NPHS1: variants seen among roughly 807,000 people sequenced by gnomAD.
NPHS1 encodes the protein NPHS1 adhesion molecule, nephrin.
NPHS1 carries 107 observed loss-of-function variants against 139.7 expected under a neutral mutation model. That is an observed-to-expected ratio of 0.77 (90% CI 0.66 to 0.90). The LOEUF (loss-of-function observed/expected upper bound fraction) is 0.90. NPHS1 is among the 40% of genes least tolerant of loss of function. The pLI is 0.00. For missense variants in NPHS1, 1,580 were observed against 1,654.2 expected (o/e 0.96, Z 0.78); for synonymous variants, 707 against 706.6 (o/e 1.00, Z -0.01).
chr19:35,844,291 G>A (rs898018204), intron 15 of NPHS1, 28 bp downstream of exon 15: 1 of 1,613,916 alleles, frequency 6.2e-7, no homozygotes, highest in Non-Finnish European at 8.5e-7. Flanking sequence ...CCATCCCCGG[G>A]ACCCCTCCCC....
In NPHS1 at chr19:35,845,036, C is replaced by T. The variant is rs1210164675; in HGVS notation, c.1930+332G>A. The stretch of plus-strand genomic sequence containing the variant: ...TAATCCCAGCACTTTGAGAGGCCAA[C>T]GCAGGAGAACTGCTTGAGCCCAGGG... On this transcript the variant is annotated intron_variant, in intron 14 of 28. Coordinates refer to ENST00000378910, the MANE Select transcript of NPHS1 (RefSeq NM_004646.4). The surrounding 1 kb of genome is among the most constrained non-coding windows in gnomAD (Gnocchi z 5.5). Among the ~76,000 whole-genome samples, 2 of 152,078 alleles carry T rather than the reference C, an allele frequency of 1.3e-5. No homozygotes were observed. Among genetic ancestry groups the T allele is most frequent in the African/African-American group, 4.8e-5 (2 of 41,400 alleles).
intron 4 of NPHS1, among the ~76,000 whole-genome samples, 187 bp from the exon 5 acceptor site, chr19:35,850,632 G>T (rs1038046221): frequency 6.6e-6 from 1 of 152,174 alleles, no homozygotes; most frequent in African/African-American, 2.4e-5. Context: ...AGTCTTCAGT[G>T]CTGGGTCCTG....
At chr19:35,850,281 C>T (rs1973217849) in intron 5 of NPHS1, 83 bp downstream of exon 5, 11 of 1,097,764 alleles carry the variant, frequency 1.0e-5, no homozygotes, top group Non-Finnish European at 1.5e-5. Flanking sequence ...CTAGCCCAAG[C>T]TTCATGCTTG....
chr19:35,831,860 C>G (rs558534966), intron 23 of NPHS1, 98 bp from the exon 24 acceptor site: 1 of 1,321,594 alleles, frequency 7.6e-7, no homozygotes, highest in East Asian at 2.5e-5. Context: ...AAGTCCCTCC[C>G]CCAGGGTCAG....
Position 35,826,511 on chromosome 19 carries a change from C to A in NPHS1, c.*3G>T. On this transcript the variant is annotated 3_prime_UTR_variant, in exon 29 of 29. Transcript: ENST00000378910. ...GTGCAGGACAATGGGGTTGAGAGGG[C>A]TCTTACACCAGATGTCCCCTCAGCT... 1 of 1,613,482 alleles carries A rather than the reference C, an allele frequency of 6.2e-7. No homozygotes were observed. Among genetic ancestry groups the A allele is most frequent in the Non-Finnish European group, 8.5e-7 (1 of 1,179,976 alleles).
At chr19:35,835,375 C>T (rs1315594613) in intron 23 of NPHS1, among the ~76,000 whole-genome samples, 3 of 136,836 alleles carry the variant, frequency 2.2e-5, no homozygotes, top group African/African-American at 8.1e-5. Context: ...TCATAGCTCA[C>T]TGCATCCTCC....
rs771078444 is a variant in NPHS1 at position 35,842,417 on chromosome 19, G to A, written c.2468C>T (p.Ala823Val). ...ACGGAGCAGCCGTCGTGCTGGAGGC[G>A]CCACCCCATTGTCCACAATGCACTG... ...AYQCIVDNGVAPPARRLLRLV... is the reference protein window; with the variant it reads ...AYQCIVDNGVVPPARRLLRLV... Residue 823 changes from alanine to valine, a missense_variant, in exon 18 of 29, where the codon GCG becomes GTG. Transcript: ENST00000378910. 1.7e-5 allele frequency: 27 copies of A among 1,614,000 alleles called. 1 individual carries two copies. The highest frequency in any genetic ancestry group is 4.4e-5 in the South Asian group (4 of 91,086).
At chr19:35,843,414 A>T in intron 17 of NPHS1, 58 bp downstream of exon 17, 1 of 1,606,280 alleles carries the variant, frequency 6.2e-7, no homozygotes, top group Non-Finnish European at 8.5e-7. Context: ...AGGAACTCAC[A>T]GTCAAGAAAC....
chr19:35,839,851 G>A (rs1973028514), intron 20 of NPHS1, among the ~76,000 whole-genome samples: 1 of 151,980 alleles, frequency 6.6e-6, no homozygotes. Flanking sequence ...ACCAGCCTGG[G>A]CAACATAGCA....
Position 35,826,462 on chromosome 19 carries a change from C to T in NPHS1, c.*52G>A. The T allele has an allele frequency of 1.2e-6, 2 of 1,608,600 alleles. No individual in the cohort carries two copies. The highest frequency in any genetic ancestry group is 1.7e-5 in the Admixed American group (1 of 59,962). ...TCGGCCCAGGCTGTAATGAGAGAGA[C>T]CAGTGGAGTGTAAATTCCTGCAGGT... is the stretch of plus-strand genomic sequence containing the variant. On this transcript the variant is annotated 3_prime_UTR_variant, in exon 29 of 29. Coordinates refer to ENST00000378910, the MANE Select transcript of NPHS1 (RefSeq NM_004646.4).
At chr19:35,835,098 G>A (rs1411231313) in intron 23 of NPHS1, among the ~76,000 whole-genome samples, 1 of 149,792 alleles carries the variant, frequency 6.7e-6, no homozygotes, top group Admixed American at 6.7e-5. Context: ...AACTCGGGAG[G>A]CTAAGGCAAA....
chr19:35,835,122 C>A (rs1027548431), intron 23 of NPHS1, among the ~76,000 whole-genome samples: 2 of 146,052 alleles, frequency 1.4e-5, no homozygotes, highest in Admixed American at 7.1e-5. Flanking sequence ...ATCGCTTGAA[C>A]CTGGGAGGTG....
At chr19:35,843,682 G>A in intron 16 of NPHS1, 89 bp from the exon 17 acceptor site, 1 of 1,550,254 alleles carries the variant, frequency 6.5e-7, no homozygotes, top group Non-Finnish European at 8.8e-7. Context: ...TGTCTTAGGG[G>A]TTCCAGGAAA....
rs760440966 is a variant in NPHS1 at position 35,831,346 on chromosome 19, C to G, written c.3337G>C (p.Glu1113Gln). 1 of 1,614,078 alleles carries G rather than the reference C, an allele frequency of 6.2e-7. No individual in the cohort carries two copies. The highest frequency in any genetic ancestry group is 1.1e-5 in the South Asian group (1 of 91,072). The change falls in exon 26 of 29, where the codon GAA becomes CAA. Residue 1113 changes from glutamate to glutamine, a missense_variant. Physicochemically the swap from Glu to Gln is conservative, Grantham distance 29. Transcript: ENST00000378910. ...CCTGTCCACTGGCTCTCCTCATATT[C>G]GTTCCTGACTCGGTCCTCTTCCGAC... is the stretch of plus-strand genomic sequence containing the variant. The part of the protein sequence containing the change: ...AGSEEDRVRN[E>Q]YEESQWTGER...
chr19:35,825,434 A>C lies in NPHS1; in HGVS notation c.*1080T>G, dbSNP rs1972788702. Among the ~76,000 whole-genome samples the C allele has an allele frequency of 6.6e-6, 1 of 152,108 alleles. No homozygotes were observed. The highest frequency in any genetic ancestry group is 1.5e-5 in the Non-Finnish European group (1 of 68,004). On this transcript the variant is annotated 3_prime_UTR_variant, in exon 29 of 29. Coordinates refer to ENST00000378910, the MANE Select transcript of NPHS1 (RefSeq NM_004646.4). ...TGTACAATAAAAATGCACCCATCTT[A>C]AGTGTAAAGTTCAATGAGTTTTGAC...
Position 35,843,540 on chromosome 19 carries a change from A to T in NPHS1, c.2266T>A (p.Ser756Thr). The T allele has an allele frequency of 6.2e-7, 1 of 1,614,132 alleles. No individual in the cohort carries two copies. The highest frequency in any genetic ancestry group is 8.5e-7 in the Non-Finnish European group (1 of 1,179,998). ...QDPTEVNVGG[S>T]VDIVCTVDAN... The stretch of plus-strand genomic sequence containing the variant: ...TCGACAGTGCAGACTATGTCCACAG[A>T]ACCCCCGACGTTCACCTCAGTGGGG... The change falls in exon 17 of 29, where the codon TCT becomes ACT. Residue 756 changes from serine to threonine, a missense_variant. Coordinates refer to ENST00000378910, the MANE Select transcript of NPHS1 (RefSeq NM_004646.4).
chr19:35,845,282 G>A lies in NPHS1; in HGVS notation c.1930+86C>T, dbSNP rs1024413967. ...ATGAAAGAGAGAGAGAGAGAGAAGA[G>A]AAAAAGAAGGAAAAAAAGGTAAGAC... On this transcript the variant is annotated intron_variant, in intron 14 of 28. Coordinates refer to ENST00000378910, the MANE Select transcript of NPHS1 (RefSeq NM_004646.4). The surrounding 1 kb of genome is among the most constrained non-coding windows in gnomAD (Gnocchi z 5.5). 2.8e-6 allele frequency: 4 copies of A among 1,452,924 alleles called. No homozygotes were observed. Among genetic ancestry groups the A allele is most frequent in the Non-Finnish European group, 3.8e-6 (4 of 1,039,428 alleles). 90.0% of individuals were successfully genotyped at this position (1,452,924 alleles called of 1,614,324 possible). A position where few individuals can be genotyped will look rare whatever the true frequency, so the allele number is the denominator to read the frequency against.
In NPHS1 at chr19:35,831,324, G is replaced by A. The variant is rs928843639; in HGVS notation, c.3359C>T (p.Thr1120Ile). The A allele has an allele frequency of 6.2e-7, 1 of 1,613,946 alleles. No homozygotes were observed. Among genetic ancestry groups the A allele is most frequent in the Non-Finnish European group, 8.5e-7 (1 of 1,180,018 alleles). Residue 1120 changes from threonine to isoleucine, a missense_variant, in exon 26 of 29, where the codon ACA becomes ATA. Physicochemically the swap from Thr to Ile is moderately conservative, Grantham distance 89. Transcript: ENST00000378910. ...VRNEYEESQW[T>I]GERDTQSSTV... is the part of the protein sequence containing the mutation. The stretch of plus-strand genomic sequence containing the variant: ...GGAGCTCTGAGTGTCCCGCTCTCCT[G>A]TCCACTGGCTCTCCTCATATTCGTT...
Position 35,842,108 on chromosome 19 carries a change from C to T in NPHS1, c.2663+16G>A. The T allele has an allele frequency of 1.3e-6, 2 of 1,598,728 alleles. No homozygotes were observed. Among genetic ancestry groups the T allele is most frequent in the African/African-American group, 1.3e-5 (1 of 74,974 alleles). ...GACCTGGGGCTGGAGTGCTGCCTGG[C>T]TGGGCTTGGGCTCACCTGGGATCTT... is the stretch of plus-strand genomic sequence containing the variant. On this transcript the variant is annotated intron_variant, in intron 19 of 28. Coordinates refer to ENST00000378910, the MANE Select transcript of NPHS1 (RefSeq NM_004646.4).
Sources: allele counts gnomAD v4.1 joint callset (sites outside exome capture counted in the v4.1 genomes callset), GRCh38; gene constraint gnomAD v4.1.1; non-coding constraint Gnocchi (gnomAD v3.1); transcripts MANE v1.5; gene names NCBI Gene and HGNC (gene_info 2026-07-23, HGNC 2026-07-21).